GRIN2B: variants seen among roughly 807,000 people sequenced by gnomAD.
GRIN2B encodes glutamate ionotropic receptor NMDA type subunit 2B.
A neutral mutation model predicts 114.5 loss-of-function variants in GRIN2B; 5 were observed. The observed-to-expected ratio is 0.04, with a 90% CI of 0.02 to 0.09. GRIN2B has a LOEUF of 0.09. Among genes scored for constraint, GRIN2B ranks in the 10% least tolerant of loss-of-function variants. The pLI is 1.00. For synonymous variants in GRIN2B, 787 were observed against 745.1 expected (o/e 1.06, Z -0.92); for missense variants, 1,108 against 1,943.5 (o/e 0.57, Z 8.08).
intron 4 of GRIN2B, among the ~76,000 whole-genome samples, chr12:13,724,479 A>T (rs1171101734): frequency 6.6e-6 from 1 of 152,104 alleles, no homozygotes; most frequent in Non-Finnish European, 1.5e-5. Flanking sequence ...GGCATTCCTA[A>T]TATACTCCTG....
chr12:13,549,393 T>C lies in GRIN2B; in HGVS notation c.*13390A>G, dbSNP rs189322615. On this transcript the variant is annotated 3_prime_UTR_variant, in exon 14 of 14. Coordinates refer to ENST00000609686, the MANE Select transcript of GRIN2B (RefSeq NM_000834.5). ...ATAGGTTCTTTCTTCAAGAATTCAT[T>C]GTGTATGTGAACTGCCTTATATTTT... 1.1e-3 allele frequency: 174 copies of C among 152,296 alleles called. 1 individual carries two copies. Among genetic ancestry groups the C allele is most frequent in the African/African-American group, 3.9e-3 (160 of 41,554 alleles). 9.4% of individuals were successfully genotyped at this position (152,296 alleles called of 1,614,324 possible).
At chr12:13,922,009 G>A (rs545454381) in intron 2 of GRIN2B, among the ~76,000 whole-genome samples, 1 of 152,272 alleles carries the variant, frequency 6.6e-6, no homozygotes, top group Admixed American at 6.5e-5. Flanking sequence ...TCAGGAAAAT[G>A]AGTGTTATTA....
intron 2 of GRIN2B, among the ~76,000 whole-genome samples, chr12:13,898,350 C>A (rs1205892443): frequency 6.6e-6 from 1 of 152,176 alleles, no homozygotes; most frequent in African/African-American, 2.4e-5. Flanking sequence ...ACACATATAA[C>A]TGCATTTAAT....
At position 13,563,479 on chromosome 12, in the gene GRIN2B, G is replaced by A. The variant is rs779637139; in HGVS notation, c.3759C>T (p.Asp1253=). 7 of 1,614,076 alleles carry A rather than the reference G, an allele frequency of 4.3e-6. No homozygotes were observed. In the Admixed American group the frequency reaches 8.3e-5, roughly 19 times the overall value. The change falls in exon 14 of 14, where the codon GAC becomes GAT. Residue 1253 remains aspartate (D), a synonymous_variant. Coordinates refer to ENST00000609686, the MANE Select transcript of GRIN2B (RefSeq NM_000834.5). ...EACKKAGNLY[D]ISEDNSLQEL... Reference sequence around the variant, plus strand: ...CCTGCAGGGAGTTGTCCTCACTGATGTCATACAGGTTGCCTGCTTTCTTGC... The same window carrying A: ...CCTGCAGGGAGTTGTCCTCACTGATATCATACAGGTTGCCTGCTTTCTTGC...
chr12:13,962,089 T>TACATACACACACACACACACACACAC (rs375862677), intron 2 of GRIN2B, among the ~76,000 whole-genome samples: 1 of 145,238 alleles, frequency 6.9e-6, no homozygotes, highest in Non-Finnish European at 1.5e-5. Flanking sequence ...CTCTCATACA[T>TACATACACACACACACACACACACAC]ACACACACAC....
In GRIN2B at chr12:13,564,331, C is replaced by G. The variant is rs199536073; in HGVS notation, c.2907G>C (p.Thr969=). ...FSDYISEVER[T]FGNLQLKDSN... is the part of the protein sequence containing the mutation. Reference sequence around the variant, plus strand: ...TGTCCTTCAGCTGCAGGTTCCCGAACGTTCTCTCTACCTCACTGATGTAGT... The same window carrying G: ...TGTCCTTCAGCTGCAGGTTCCCGAAGGTTCTCTCTACCTCACTGATGTAGT... Residue 969 remains threonine (T), a synonymous_variant, in exon 14 of 14, where the codon ACG becomes ACC. Transcript: ENST00000609686. The surrounding 1 kb of genome is among the most constrained non-coding windows in gnomAD (Gnocchi z 4.8). 1 of 1,614,202 alleles carries G rather than the reference C, an allele frequency of 6.2e-7. No individual in the cohort carries two copies. The highest frequency in any genetic ancestry group is 8.5e-7 in the Non-Finnish European group (1 of 1,180,040).
chr12:13,748,035 A>C lies in GRIN2B; in HGVS notation c.1010+5282T>G, dbSNP rs867000194. Among the ~76,000 whole-genome samples, 4 of 152,308 alleles carry C rather than the reference A, an allele frequency of 2.6e-5. 1 individual carries two copies. In the South Asian group the frequency reaches 8.3e-4, roughly 32 times the overall value. On this transcript the variant is annotated intron_variant, in intron 4 of 13. Transcript: ENST00000609686. ...TCTTTCATTAAGAACCTAAGAAAGT[A>C]CTTTTTTTCACATCAGTTATTCAAA...
chr12:13,708,472 G>A (rs1415603045), intron 4 of GRIN2B, among the ~76,000 whole-genome samples: 1 of 152,008 alleles, frequency 6.6e-6, no homozygotes, highest in East Asian at 1.9e-4. Flanking sequence ...GACTATTTCT[G>A]ATTTCATTTA....
chr12:13,899,678 A>C (rs1866411138), intron 2 of GRIN2B, among the ~76,000 whole-genome samples: 1 of 144,262 alleles, frequency 6.9e-6, no homozygotes, highest in Admixed American at 6.8e-5. Context: ...ATTGCCAACT[A>C]TCCACTTCCT....
At chr12:13,789,812 C>T (rs148968778) in intron 3 of GRIN2B, among the ~76,000 whole-genome samples, 224 of 152,224 alleles carry the variant, frequency 1.5e-3, no homozygotes, top group Middle Eastern at 3.4e-3. Flanking sequence ...AATTAACTTG[C>T]TGTTACTATC....
At chr12:13,582,384 C>T (rs1211293258) in intron 10 of GRIN2B, among the ~76,000 whole-genome samples, 1 of 152,062 alleles carries the variant, frequency 6.6e-6, no homozygotes, top group Non-Finnish European at 1.5e-5. Context: ...GGAAAATTGC[C>T]CAAATTAACT....
At chr12:13,890,479 C>A (rs1271604432) in intron 2 of GRIN2B, among the ~76,000 whole-genome samples, 1 of 152,162 alleles carries the variant, frequency 6.6e-6, no homozygotes, top group East Asian at 1.9e-4. Context: ...CCACCACTAC[C>A]CCATGCGCCC....
rs1591597017 is a variant in GRIN2B, at chr12:13,549,222, C to A, written c.*13561G>T. The stretch of plus-strand genomic sequence containing the variant: ...TGCAAGATTCTCTGATCTGCGGGTG[C>A]TTAATAAATAATTCACCATTGCAAC... On this transcript the variant is annotated 3_prime_UTR_variant, in exon 14 of 14. Transcript: ENST00000609686. 1 of 152,102 alleles carries A rather than the reference C, an allele frequency of 6.6e-6. No individual in the cohort carries two copies. The highest frequency in any genetic ancestry group is 1.9e-4 in the East Asian group (1 of 5,186). 9.4% of individuals were successfully genotyped at this position (152,102 alleles called of 1,614,324 possible). A position where few individuals can be genotyped will look rare whatever the true frequency, so the allele number is the denominator to read the frequency against.
chr12:13,916,155 GA>G (rs1030763783), intron 2 of GRIN2B, among the ~76,000 whole-genome samples: 6 of 152,104 alleles, frequency 3.9e-5, no homozygotes, highest in Non-Finnish European at 8.8e-5. Context: ...GGGACTTTTT[GA>G]AAATGAGATC....
rs1396908241 is a variant in GRIN2B, at chr12:13,538,793, T to A, written c.*23990A>T. Reference sequence around the variant, plus strand: ...TCATACCTCTCCACTCCAGCCTGGATGACAGAGCAAGACCCTCTTAAAAAA... The same window carrying A: ...TCATACCTCTCCACTCCAGCCTGGAAGACAGAGCAAGACCCTCTTAAAAAA... On this transcript the variant is annotated 3_prime_UTR_variant, in exon 14 of 14. Coordinates refer to ENST00000609686, the MANE Select transcript of GRIN2B (RefSeq NM_000834.5). 6.6e-6 allele frequency: 1 copy of A among 150,596 alleles called. No individual in the cohort carries two copies. Among genetic ancestry groups the A allele is most frequent in the Non-Finnish European group, 1.5e-5 (1 of 67,754 alleles). 9.3% of individuals were successfully genotyped at this position (150,596 alleles called of 1,614,324 possible). A position where few individuals can be genotyped will look rare whatever the true frequency, so the allele number is the denominator to read the frequency against.
chr12:13,724,738 C>T (rs61912099), intron 4 of GRIN2B, among the ~76,000 whole-genome samples: 1 of 151,906 alleles, frequency 6.6e-6, no homozygotes, highest in Non-Finnish European at 1.5e-5. Flanking sequence ...ATTGGCTTTA[C>T]CCCCTTCCAC....
chr12:13,740,038 G>A (rs905279058), intron 4 of GRIN2B, among the ~76,000 whole-genome samples: 1 of 152,120 alleles, frequency 6.6e-6, no homozygotes, highest in Non-Finnish European at 1.5e-5. Context: ...CTGAGACAAT[G>A]AGATTAGAGA....
chr12:13,775,157 G>A (rs547368071), intron 3 of GRIN2B, among the ~76,000 whole-genome samples: 1 of 152,272 alleles, frequency 6.6e-6, no homozygotes, highest in Admixed American at 6.5e-5. Context: ...TATCTATCAA[G>A]TACCTAATAA....
intron 3 of GRIN2B, among the ~76,000 whole-genome samples, chr12:13,830,264 T>C (rs1412165386): frequency 1.3e-5 from 2 of 152,234 alleles, no homozygotes; most frequent in Non-Finnish European, 2.9e-5. Flanking sequence ...AATTGTATTA[T>C]AACCTGTTAG....
Sources: gnomAD v4.1 joint callset for allele counts (sites outside exome capture counted in the v4.1 genomes callset) on GRCh38, gnomAD v4.1.1 for gene constraint, Gnocchi (gnomAD v3.1) non-coding constraint, MANE v1.5 for transcripts, NCBI Gene and HGNC (gene_info 2026-07-23, HGNC 2026-07-21) for gene names.